TCF12: variants seen among roughly 807,000 people sequenced by gnomAD.
TCF12 encodes the protein DNA-binding protein HTF4.
TCF12 carries 45 observed loss-of-function variants against 86.0 expected under a neutral mutation model. The observed-to-expected ratio is 0.52, with a 90% CI of 0.41 to 0.67. The LOEUF (loss-of-function observed/expected upper bound fraction) is 0.67, where lower values mean the gene tolerates loss of function less well. Among genes scored for constraint, TCF12 ranks in the 30% least tolerant of loss-of-function variants. The pLI is 0.00. For synonymous variants in TCF12, 330 were observed against 299.6 expected (o/e 1.10, Z -1.05); for missense variants, 881 against 859.9 (o/e 1.02, Z -0.31).
In TCF12 at chr15:57,217,169, C is replaced by T. The variant is rs150823125; in HGVS notation, c.580-13983C>T. 5.2e-3 allele frequency among the ~76,000 whole-genome samples: 785 copies of T among 152,176 alleles called. 12 individuals carry two copies. Among genetic ancestry groups the T allele is most frequent in the African/African-American group, 0.018 (751 of 41,542 alleles). On this transcript the variant is annotated intron_variant, in intron 8 of 20. Transcript: ENST00000333725. ...AGAAGCAAAAGCTTTTAATTAGTTA[C>T]TCAACTCTCTTTACAAATTATGTTT...
intron 8 of TCF12, among the ~76,000 whole-genome samples, chr15:57,198,839 G>C (rs1054834974): frequency 2.0e-5 from 3 of 152,212 alleles, no homozygotes; most frequent in African/African-American, 7.2e-5. Context: ...GGCTTGGCAA[G>C]TAGTAATCTA....
At chr15:57,025,526 G>C (rs1290940652) in intron 3 of TCF12, among the ~76,000 whole-genome samples, 1 of 152,040 alleles carries the variant, frequency 6.6e-6, no homozygotes, top group South Asian at 2.1e-4. Context: ...ATAATCCTCA[G>C]TCTGGAAATC....
At chr15:57,175,582 C>T (rs1353858557) in intron 6 of TCF12, among the ~76,000 whole-genome samples, 2 of 152,148 alleles carry the variant, frequency 1.3e-5, no homozygotes, top group South Asian at 2.1e-4. Flanking sequence ...TCTTAAACAG[C>T]AATTTTGATC....
At chr15:57,094,827 G>C (rs1318540165) in intron 5 of TCF12, among the ~76,000 whole-genome samples, 1 of 152,146 alleles carries the variant, frequency 6.6e-6, no homozygotes, top group Non-Finnish European at 1.5e-5. Context: ...GTTATTTTGA[G>C]TATTATGTTC....
Position 57,123,323 on chromosome 15 carries a change from T to C in TCF12, c.325+31432T>C, listed in dbSNP as rs1243607547. ...AGCTTTATTTTGAAGCTGAAACCAC[T>C]GCTAACAATGTTTAAAATTTTTTAA... On this transcript the variant is annotated intron_variant, in intron 5 of 20. Coordinates refer to ENST00000333725, the MANE Select transcript of TCF12 (RefSeq NM_207037.2). Among the ~76,000 whole-genome samples the C allele has an allele frequency of 2.0e-5, 3 of 152,226 alleles. No homozygotes were observed. The East Asian group carries it at 5.8e-4, about 29-fold the overall frequency.
intron 3 of TCF12, 82 bp from the exon 4 acceptor site, chr15:57,063,668 A>T: frequency 1.7e-6 from 2 of 1,149,446 alleles, no homozygotes; most frequent in Non-Finnish European, 2.5e-6. Flanking sequence ...ACCACTTGCT[A>T]AATTGTACTC....
At position 57,289,028 on chromosome 15, in the gene TCF12, G is replaced by C. The variant is rs1396208358; in HGVS notation, c.*2883G>C. 6.6e-6 allele frequency: 1 copy of C among 152,100 alleles called. No individual in the cohort carries two copies. The highest frequency in any genetic ancestry group is 1.5e-5 in the Non-Finnish European group (1 of 68,018). The allele number at this position is 152,100 out of a possible 1,614,324, so 9.4% of individuals were successfully genotyped here. On this transcript the variant is annotated 3_prime_UTR_variant, in exon 21 of 21. Coordinates refer to ENST00000333725, the MANE Select transcript of TCF12 (RefSeq NM_207037.2). ...AAAAAGCGTAGGGATTATCCATGAG[G>C]ACTTCATGCCAAGCAAGAACCTCAA... is the stretch of plus-strand genomic sequence containing the variant.
intron 3 of TCF12, among the ~76,000 whole-genome samples, chr15:56,942,719 A>C (rs1201327393): frequency 6.6e-6 from 1 of 152,188 alleles, no homozygotes; most frequent in African/African-American, 2.4e-5. Context: ...GCAAAATCTA[A>C]AGTAAGTCTT....
At chr15:57,111,173 A>T (rs2050462673) in intron 5 of TCF12, among the ~76,000 whole-genome samples, 1 of 151,930 alleles carries the variant, frequency 6.6e-6, no homozygotes, top group Non-Finnish European at 1.5e-5. Context: ...CTAGCGCTGA[A>T]TGGACTTCTG....
intron 6 of TCF12, among the ~76,000 whole-genome samples, chr15:57,189,323 A>G (rs772126709): frequency 2.0e-4 from 31 of 152,348 alleles, no homozygotes; most frequent in Non-Finnish European, 4.0e-4. Flanking sequence ...GAATGAGGGA[A>G]AATTTTGCAA....
At chr15:57,154,735 A>G (rs746187331) in intron 5 of TCF12, among the ~76,000 whole-genome samples, 2 of 152,194 alleles carry the variant, frequency 1.3e-5, no homozygotes, top group Non-Finnish European at 2.9e-5. Flanking sequence ...TGAAAGGCAT[A>G]AAGAATTTTA....
chr15:57,014,709 T>G (rs2065043625), intron 3 of TCF12, among the ~76,000 whole-genome samples: 1 of 152,082 alleles, frequency 6.6e-6, no homozygotes, highest in African/African-American at 2.4e-5. Context: ...TAAGAATTAT[T>G]TCTGGCTCAA....
At chr15:56,925,236 C>G (rs1258115725) in intron 3 of TCF12, among the ~76,000 whole-genome samples, 1 of 105,502 alleles carries the variant, frequency 9.5e-6, no homozygotes, top group Admixed American at 9.1e-5. Context: ...AAATGGTGTC[C>G]ACCGCCCCCC....
Position 57,093,456 on chromosome 15 carries a change from G to A in TCF12, c.325+1565G>A, listed in dbSNP as rs540750148. On this transcript the variant is annotated intron_variant, in intron 5 of 20. Transcript: ENST00000333725. ...TGAAAAATCAGAAATTGCTCTTTTTGTATTTATGTTCTTACCTTTATTCTT... is the reference window on the plus strand; with the variant it reads ...TGAAAAATCAGAAATTGCTCTTTTTATATTTATGTTCTTACCTTTATTCTT... Among the ~76,000 whole-genome samples the A allele has an allele frequency of 6.6e-5, 10 of 152,156 alleles. No homozygotes were observed. The South Asian group carries it at 1.5e-3, about 22-fold the overall frequency.
At chr15:57,280,179 C>T (rs903436737) in intron 19 of TCF12, among the ~76,000 whole-genome samples, 2 of 152,036 alleles carry the variant, frequency 1.3e-5, no homozygotes. Flanking sequence ...CATGAGCCAC[C>T]ACGCCCAGCC....
At chr15:56,923,561 G>T (rs1274110464) in intron 3 of TCF12, among the ~76,000 whole-genome samples, 2 of 152,112 alleles carry the variant, frequency 1.3e-5, no homozygotes, top group African/African-American at 4.8e-5. Context: ...GGAGTGAAAG[G>T]TCAGGCACTC....
chr15:56,919,852 C>T (rs945344555), intron 1 of TCF12, 40 bp from the exon 2 acceptor site: 3 of 1,578,194 alleles, frequency 1.9e-6, no homozygotes, highest in Middle Eastern at 1.7e-4. Context: ...ACACTTTGGG[C>T]CTCGGTGGTC....
intron 20 of TCF12, 139 bp downstream of exon 20, chr15:57,282,737 G>T: frequency 8.9e-7 from 1 of 1,118,534 alleles, no homozygotes; most frequent in South Asian, 1.6e-5. Flanking sequence ...ATAACAGTTT[G>T]TCTTTCTGTT....
At chr15:57,164,541 G>A (rs996635669) in intron 5 of TCF12, among the ~76,000 whole-genome samples, 4 of 152,140 alleles carry the variant, frequency 2.6e-5, no homozygotes, top group African/African-American at 7.2e-5. Context: ...GGGGGTAACC[G>A]CCTCCATGAT....
Sources: allele counts gnomAD v4.1 joint callset (sites outside exome capture counted in the v4.1 genomes callset), GRCh38; gene constraint gnomAD v4.1.1; transcripts MANE v1.5; gene names NCBI Gene and HGNC (gene_info 2026-07-23, HGNC 2026-07-21).